The following VSTM2A variants were observed in gnomAD, a reference collection of about 807,000 sequenced individuals.
VSTM2A encodes the protein V-set and transmembrane domain containing 2A.
A neutral mutation model predicts 27.3 loss-of-function variants in VSTM2A; 13 were observed. The ratio of observed to expected loss-of-function variants is 0.48; its 90% confidence interval spans 0.31 to 0.76. The LOEUF (loss-of-function observed/expected upper bound fraction) is 0.76. VSTM2A is among the 30% of genes least tolerant of loss of function. VSTM2A has a pLI of 0.05. For synonymous variants in VSTM2A, 142 were observed against 125.7 expected, an observed-to-expected ratio of 1.13 and a Z score of -0.87; for missense variants, 280 against 310.0, an observed-to-expected ratio of 0.90 and a Z score of 0.73.
chr7:54,566,928 T>C (rs1200131198), intron 4 of VSTM2A, among the ~76,000 whole-genome samples: 1 of 152,168 alleles, frequency 6.6e-6, no homozygotes, highest in Admixed American at 6.5e-5. Flanking sequence ...ATAACATGTT[T>C]GATAAGAAGT....
intron 4 of VSTM2A, among the ~76,000 whole-genome samples, chr7:54,566,538 A>G (rs1409259956): frequency 6.6e-6 from 1 of 152,232 alleles, no homozygotes; most frequent in Non-Finnish European, 1.5e-5. Context: ...TGGACAGGCA[A>G]TTATCTGAGG....
chr7:54,554,119 C>A, intron 4 of VSTM2A: 14 of 1,547,068 alleles, frequency 9.0e-6, no homozygotes, highest in Non-Finnish European at 1.1e-5. Context: ...TCATGCAAGT[C>A]ACTGGTGTCT....
intron 2 of VSTM2A, chr7:54,546,084 G>C (rs1378884631): frequency 7.4e-6 from 1 of 135,192 alleles, no homozygotes; most frequent in African/African-American, 2.8e-5. Context: ...AAGGAGAGAC[G>C]GAGGGAGAGG....
intron 2 of VSTM2A, 109 bp from the exon 3 acceptor site, chr7:54,546,838 C>T (rs766012230): frequency 5.8e-5 from 86 of 1,472,272 alleles, no homozygotes; most frequent in Non-Finnish European, 7.1e-5. Context: ...CTCCCCTGTC[C>T]CCAGGTCACC....
intron 3 of VSTM2A, 91 bp from the exon 4 acceptor site, chr7:54,549,743 A>G (rs1379162520): frequency 1.6e-6 from 2 of 1,250,226 alleles, no homozygotes; most frequent in African/African-American, 3.0e-5. Flanking sequence ...AAGACCCTTT[A>G]ACTTTCCAAT....
chr7:54,550,818 G>C (rs910730310), intron 4 of VSTM2A: 2 of 152,944 alleles, frequency 1.3e-5, no homozygotes, highest in African/African-American at 4.8e-5. Context: ...GTTCTGAATG[G>C]CATTAATGTA....
At chr7:54,561,708 A>G (rs932374702) in intron 4 of VSTM2A, among the ~76,000 whole-genome samples, 14 of 152,216 alleles carry the variant, frequency 9.2e-5, no homozygotes, top group African/African-American at 3.1e-4. Flanking sequence ...GAAAACTTGA[A>G]ATAGCTAAAT....
chr7:54,558,567 T>A (rs1307708218), intron 4 of VSTM2A: 1 of 152,140 alleles, frequency 6.6e-6, no homozygotes, highest in Non-Finnish European at 1.5e-5. Context: ...TCTACCTCTT[T>A]ACCTACCAGA....
intron 4 of VSTM2A, 130 bp from the exon 5 acceptor site, chr7:54,569,001 T>C (rs1318769696): frequency 6.3e-7 from 1 of 1,589,830 alleles, no homozygotes; most frequent in South Asian, 1.2e-5. Context: ...TTATAACTTC[T>C]TCCGCAGGTG....
At chr7:54,550,471 G>A (rs1418387910) in intron 4 of VSTM2A, 3 of 594,490 alleles carry the variant, frequency 5.0e-6, no homozygotes, top group South Asian at 4.6e-5. Flanking sequence ...ATGTAATGTT[G>A]GTTACATTAC....
At chr7:54,553,864 C>G (rs1035146520) in intron 4 of VSTM2A, 1 of 1,551,188 alleles carries the variant, frequency 6.4e-7, no homozygotes, top group African/African-American at 1.4e-5. Context: ...CTGTCTCATC[C>G]AGTGTCTCCA....
Position 54,570,686 on chromosome 7 carries a change from AAGAT to A in VSTM2A, c.*1470_*1473del, listed in dbSNP as rs1788865755. The A allele has an allele frequency of 1.3e-5, 2 of 152,296 alleles. No individual in the cohort carries two copies. Among genetic ancestry groups the A allele is most frequent in the African/African-American group, 2.4e-5 (1 of 41,574 alleles). 9.4% of individuals were successfully genotyped at this position (152,296 alleles called of 1,614,324 possible). ...AACCTGTTTTCTACTCTGGCAAAGA[AAGAT>A]AGGCAGAACTATTAGTGTTCCATAT... On this transcript the variant is annotated 3_prime_UTR_variant, in exon 5 of 5. Coordinates refer to ENST00000402613, the MANE Select transcript of VSTM2A (RefSeq NM_001301009.2).
At chr7:54,553,827 A>G in intron 4 of VSTM2A, 2 of 1,550,718 alleles carry the variant, frequency 1.3e-6, no homozygotes, top group Middle Eastern at 1.7e-4. Flanking sequence ...ACCCCAATAT[A>G]CTAAGTCATT....
At chr7:54,548,199 C>T (rs1384283478) in intron 3 of VSTM2A, among the ~76,000 whole-genome samples, 1 of 152,102 alleles carries the variant, frequency 6.6e-6, no homozygotes, top group Non-Finnish European at 1.5e-5. Flanking sequence ...AGGCCAGTAA[C>T]AAAAATAGTC....
chr7:54,548,538 T>G (rs190784346), intron 3 of VSTM2A, among the ~76,000 whole-genome samples: 2 of 152,268 alleles, frequency 1.3e-5, no homozygotes, highest in Non-Finnish European at 2.9e-5. Context: ...GTGATTCTAA[T>G]GTACACTCAG....
At chr7:54,553,591 C>T (rs1788255112) in intron 4 of VSTM2A, among the ~76,000 whole-genome samples, 1 of 152,126 alleles carries the variant, frequency 6.6e-6, no homozygotes, top group South Asian at 2.1e-4. Flanking sequence ...AAGGTGAATT[C>T]CTGCTTCTTG....
At chr7:54,561,411 AGCAATG>A (rs1220301523) in intron 4 of VSTM2A, among the ~76,000 whole-genome samples, 2 of 152,234 alleles carry the variant, frequency 1.3e-5, no homozygotes, top group African/African-American at 4.8e-5. Flanking sequence ...CTGCCTATGT[AGCAATG>A]GTCAGAAAAG....
chr7:54,545,456 A>G (rs1472568403), intron 2 of VSTM2A, among the ~76,000 whole-genome samples: 2 of 138,904 alleles, frequency 1.4e-5, no homozygotes, highest in Non-Finnish European at 3.1e-5. Flanking sequence ...AAGAAGGTAG[A>G]AGAGAAGGAG....
At chr7:54,555,547 T>C (rs959878117) in intron 4 of VSTM2A, among the ~76,000 whole-genome samples, 6 of 152,222 alleles carry the variant, frequency 3.9e-5, no homozygotes, top group African/African-American at 1.2e-4. Flanking sequence ...TTAGTCAGAA[T>C]TGGTTACTCA....
Sources: gnomAD v4.1 joint callset for allele counts (sites outside exome capture counted in the v4.1 genomes callset) on GRCh38, gnomAD v4.1.1 for gene constraint, MANE v1.5 for transcripts, NCBI Gene and HGNC (gene_info 2026-07-23, HGNC 2026-07-21) for gene names.